KIF24: variants seen among roughly 807,000 people sequenced by gnomAD.
KIF24 encodes the protein kinesin-like protein KIF24.
KIF24 carries 81 observed loss-of-function variants against 118.9 expected under a neutral mutation model. That is an observed-to-expected ratio of 0.68 (90% confidence interval 0.57 to 0.82). KIF24 has a LOEUF of 0.82. Ranked by LOEUF, KIF24 falls within the 40% of genes least tolerant of loss-of-function variation. KIF24 has a pLI of 0.00. For missense variants in KIF24, 1,560 were observed against 1,661.6 expected, an observed-to-expected ratio of 0.94 and a Z score of 1.06; for synonymous variants, 599 against 610.0, an observed-to-expected ratio of 0.98 and a Z score of 0.27.
At chr9:34,255,618 A>C in intron 11 of KIF24, 117 bp downstream of exon 11, 1 of 873,688 alleles carries the variant, frequency 1.1e-6, no homozygotes. Flanking sequence ...AGCTAGAAGC[A>C]GACTAGCTCA....
chr9:34,318,153 C>T lies in KIF24; in HGVS notation c.-25-6782G>A, dbSNP rs1227080278. 6.6e-6 allele frequency among the ~76,000 whole-genome samples: 1 copy of T among 151,950 alleles called. No homozygotes were observed. The highest frequency in any genetic ancestry group is 2.4e-5 in the African/African-American group (1 of 41,364). On this transcript the variant is annotated intron_variant, in intron 1 of 12. Coordinates refer to ENST00000402558, the MANE Select transcript of KIF24 (RefSeq NM_194313.4). This position sits in a 1 kb window ranked among gnomAD's most constrained non-coding sequence, Gnocchi z 4.9. ...AGCTGGTGGTTTAACAAGATAAATA[C>T]ATGAATAATGCAGCCTGGGCAACAT...
chr9:34,289,003 A>G (rs1368988342), intron 5 of KIF24, among the ~76,000 whole-genome samples: 1 of 152,030 alleles, frequency 6.6e-6, no homozygotes, highest in Non-Finnish European at 1.5e-5. Context: ...GCTGTGATTG[A>G]GCTAATTCGA....
In KIF24 at chr9:34,318,346, C is replaced by A; in HGVS notation, c.-25-6975G>T. 1.8e-3 allele frequency: 804 copies of A among 440,938 alleles called. No individual in the cohort carries two copies. Among genetic ancestry groups the A allele is most frequent in the Middle Eastern group, 4.9e-3 (7 of 1,428 alleles). The allele number at this position is 440,938 out of a possible 1,614,324, so 27.3% of individuals were successfully genotyped here. ...GCCAGCCCAGCCCAACCCAGCCCAA[C>A]CCAGCTTGACCTAGCCCTGACAGGT... On this transcript the variant is annotated intron_variant, in intron 1 of 12. Transcript: ENST00000402558. The surrounding 1 kb of genome is among the most constrained non-coding windows in gnomAD (Gnocchi z 4.9).
chr9:34,255,684 G>C, intron 11 of KIF24, 51 bp downstream of exon 11: 1 of 1,468,108 alleles, frequency 6.8e-7, no homozygotes, highest in Non-Finnish European at 9.3e-7. Flanking sequence ...AAGCTGGAGT[G>C]GAGGGTGGGT....
At chr9:34,326,985 A>C (rs16935533) in intron 1 of KIF24, among the ~76,000 whole-genome samples, 1 of 151,954 alleles carries the variant, frequency 6.6e-6, no homozygotes, top group Non-Finnish European at 1.5e-5. Context: ...GTTTCCTTTC[A>C]TGAGGGTTAA....
chr9:34,333,262 C>G (rs1303381536), upstream of KIF24, among the ~76,000 whole-genome samples: 1 of 152,122 alleles, frequency 6.6e-6, no homozygotes, highest in African/African-American at 2.4e-5. Flanking sequence ...CCTCTCCCCC[C>G]AACTAAAACC....
At chr9:34,310,185 C>T (rs1327357503) in intron 2 of KIF24, among the ~76,000 whole-genome samples, 1 of 152,000 alleles carries the variant, frequency 6.6e-6, no homozygotes. Flanking sequence ...CTGTTTTTTC[C>T]GGGGTTGAAA....
upstream of KIF24, among the ~76,000 whole-genome samples, chr9:34,331,418 T>C (rs1471957181): frequency 6.6e-6 from 1 of 152,236 alleles, no homozygotes; most frequent in Non-Finnish European, 1.5e-5. Flanking sequence ...GTTAAGTATC[T>C]TGCTCTAAGT....
chr9:34,310,683 G>A (rs1837102788), intron 2 of KIF24, 41 bp downstream of exon 2: 13 of 1,510,504 alleles, frequency 8.6e-6, no homozygotes, highest in South Asian at 7.9e-5. Context: ...CCTTGCCTGA[G>A]GCTACTTTCC....
chr9:34,255,300 T>G, intron 11 of KIF24, 135 bp from the exon 12 acceptor site: 1 of 622,110 alleles, frequency 1.6e-6, no homozygotes, highest in East Asian at 2.8e-5. Flanking sequence ...CAAGGCCAGC[T>G]TACCAACCAG....
intron 1 of KIF24, among the ~76,000 whole-genome samples, chr9:34,320,916 A>G (rs1300499979): frequency 4.6e-5 from 7 of 152,152 alleles, no homozygotes; most frequent in African/African-American, 1.7e-4. Context: ...GTACTTAGCT[A>G]TATCTGCATT....
At chr9:34,259,011 G>A (rs939092088) in intron 10 of KIF24, among the ~76,000 whole-genome samples, 2 of 152,170 alleles carry the variant, frequency 1.3e-5, no homozygotes, top group African/African-American at 4.8e-5. Context: ...ACCACAGGGT[G>A]AGAGATGGAA....
chr9:34,264,512 G>C (rs1386805497), intron 8 of KIF24, among the ~76,000 whole-genome samples: 1 of 151,896 alleles, frequency 6.6e-6, no homozygotes, highest in Non-Finnish European at 1.5e-5. Flanking sequence ...TGCCTCCAGA[G>C]TGTGCTATGG....
At chr9:34,276,294 C>T (rs1410377149) in intron 6 of KIF24, among the ~76,000 whole-genome samples, 1 of 149,990 alleles carries the variant, frequency 6.7e-6, no homozygotes, top group Non-Finnish European at 1.5e-5. Flanking sequence ...CCCAGCTACT[C>T]AGGAGGCTGA....
upstream of KIF24, among the ~76,000 whole-genome samples, chr9:34,332,475 T>C (rs1371282096): frequency 6.6e-6 from 1 of 152,334 alleles, no homozygotes; most frequent in Non-Finnish European, 1.5e-5. Flanking sequence ...TTCATATCTA[T>C]CTGTCAATCC....
In KIF24 at chr9:34,318,363, C is replaced by T. The variant is rs956003210; in HGVS notation, c.-25-6992G>A. On this transcript the variant is annotated intron_variant, in intron 1 of 12. Coordinates refer to ENST00000402558, the MANE Select transcript of KIF24 (RefSeq NM_194313.4). This position sits in a 1 kb window ranked among gnomAD's most constrained non-coding sequence, Gnocchi z 4.9. ...CAGCCCAACCCAGCTTGACCTAGCC[C>T]TGACAGGTCCATCGTGGTGCACGCA... The T allele has an allele frequency of 1.5e-6, 1 of 669,030 alleles. No homozygotes were observed. The highest frequency in any genetic ancestry group is 2.7e-6 in the Non-Finnish European group (1 of 366,798). 41.4% of individuals were successfully genotyped at this position (669,030 alleles called of 1,614,324 possible). A position where few individuals can be genotyped will look rare whatever the true frequency, so the allele number is the denominator to read the frequency against.
At chr9:34,270,039 T>G (rs1432117576) in intron 7 of KIF24, among the ~76,000 whole-genome samples, 1 of 151,036 alleles carries the variant, frequency 6.6e-6, no homozygotes, top group Non-Finnish European at 1.5e-5. Flanking sequence ...CTGGCCAACA[T>G]GGTGAAACCC....
intron 6 of KIF24, 74 bp from the exon 7 acceptor site, chr9:34,272,004 A>G: frequency 1.0e-5 from 14 of 1,335,802 alleles, no homozygotes; most frequent in Non-Finnish European, 1.4e-5. Flanking sequence ...GTTGGCTAAG[A>G]GCAGTAGACA....
At position 34,255,761 on chromosome 9, in the gene KIF24, G is replaced by A; in HGVS notation, c.3846C>T (p.Leu1282=). 1 of 1,613,360 alleles carries A rather than the reference G, an allele frequency of 6.2e-7. No individual in the cohort carries two copies. The highest frequency in any genetic ancestry group is 1.1e-5 in the South Asian group (1 of 90,996). ...PSCSPKTAGT[L]RQPTLEQAQQ... ...GCGCTTGCTCCAGGGTGGGCTGACGGAGTGTCCCTGCAGTCTTGGGAGAGC... is the reference window on the plus strand; with the variant it reads ...GCGCTTGCTCCAGGGTGGGCTGACGAAGTGTCCCTGCAGTCTTGGGAGAGC... The change falls in exon 11 of 13, where the codon CTC becomes CTT. Residue 1282 remains leucine, a synonymous_variant. Coordinates refer to ENST00000402558, the MANE Select transcript of KIF24 (RefSeq NM_194313.4).
Sources: gnomAD v4.1 joint callset for allele counts (sites outside exome capture counted in the v4.1 genomes callset) on GRCh38, gnomAD v4.1.1 for gene constraint, Gnocchi (gnomAD v3.1) non-coding constraint, MANE v1.5 for transcripts, NCBI Gene and HGNC (gene_info 2026-07-23, HGNC 2026-07-21) for gene names.